CDH13: variants seen among roughly 807,000 people sequenced by gnomAD.
CDH13 encodes the protein cadherin-13.
In CDH13, 24 loss-of-function variants were observed where a neutral mutation model predicts 63.8. That is an observed-to-expected ratio of 0.38 (90% CI 0.27 to 0.53). The LOEUF (loss-of-function observed/expected upper bound fraction) is 0.53, where lower values mean the gene tolerates loss of function less well. Ranked by LOEUF, CDH13 falls within the 20% of genes least tolerant of loss-of-function variation. The pLI is 0.85. For missense variants in CDH13, 1,049 were observed against 903.1 expected, an observed-to-expected ratio of 1.16 and a Z score of -2.07; for synonymous variants, 503 against 355.3, an observed-to-expected ratio of 1.42 and a Z score of -4.67.
intron 8 of CDH13, among the ~76,000 whole-genome samples, chr16:83,645,220 A>G (rs1911678747): frequency 1.3e-5 from 2 of 152,262 alleles, no homozygotes; most frequent in Non-Finnish European, 2.9e-5. Context: ...CAGCCATAAA[A>G]AAGAATGAAA....
intron 7 of CDH13, among the ~76,000 whole-genome samples, chr16:83,540,065 A>ATTTT (rs34129168): frequency 1.5e-5 from 2 of 137,208 alleles, no homozygotes; most frequent in East Asian, 4.3e-4. Flanking sequence ...TTGTCAATAA[A>ATTTT]TTTTTTTTTT....
intron 2 of CDH13, among the ~76,000 whole-genome samples, chr16:82,993,501 C>T (rs371957167): frequency 1.3e-5 from 2 of 152,174 alleles, no homozygotes; most frequent in African/African-American, 4.8e-5. Context: ...TCCTCGCCAG[C>T]CTCTTTGCCA....
chr16:82,896,659 G>A (rs1036245936), intron 2 of CDH13, among the ~76,000 whole-genome samples: 9 of 151,852 alleles, frequency 5.9e-5, no homozygotes, highest in African/African-American at 2.2e-4. Flanking sequence ...AAATGAGGTG[G>A]GAGTTGGGAG....
chr16:82,726,199 C>G (rs1477288040), intron 1 of CDH13, among the ~76,000 whole-genome samples: 1 of 152,134 alleles, frequency 6.6e-6, no homozygotes, highest in East Asian at 1.9e-4. Context: ...GTCAAATAGA[C>G]TGGTTGACTG....
chr16:83,539,553 A>T (rs2075260930), intron 7 of CDH13, among the ~76,000 whole-genome samples: 1 of 152,198 alleles, frequency 6.6e-6, no homozygotes, highest in Non-Finnish European at 1.5e-5. Context: ...AAAGAGGGAA[A>T]ATCTGACAGG....
intron 1 of CDH13, among the ~76,000 whole-genome samples, chr16:82,630,151 T>C (rs1907832252): frequency 6.6e-6 from 1 of 152,234 alleles, no homozygotes; most frequent in Non-Finnish European, 1.5e-5. Context: ...TTGTGTGTTA[T>C]GTTTTAAGAG....
intron 7 of CDH13, among the ~76,000 whole-genome samples, chr16:83,518,218 C>T (rs532969935): frequency 6.6e-6 from 1 of 152,028 alleles, no homozygotes; most frequent in Non-Finnish European, 1.5e-5. Flanking sequence ...GATCTTGGCT[C>T]ACTGCAGCTC....
At chr16:83,353,866 C>A (rs1460984527) in intron 6 of CDH13, among the ~76,000 whole-genome samples, 2 of 152,208 alleles carry the variant, frequency 1.3e-5, no homozygotes, top group African/African-American at 4.8e-5. Context: ...CTTAATAGCC[C>A]TGCCCACTAA....
intron 5 of CDH13, among the ~76,000 whole-genome samples, chr16:83,294,361 A>G (rs1405375014): frequency 1.3e-5 from 2 of 152,070 alleles, no homozygotes; most frequent in Non-Finnish European, 2.9e-5. Flanking sequence ...GAAATGTTCT[A>G]TCTTTTGGCC....
chr16:82,923,662 C>A (rs964567535), intron 2 of CDH13, among the ~76,000 whole-genome samples: 1 of 152,170 alleles, frequency 6.6e-6, no homozygotes, highest in Non-Finnish European at 1.5e-5. Flanking sequence ...AGTAGGATAG[C>A]CATGAAAATT....
chr16:83,760,547 A>C (rs771801259), intron 11 of CDH13, among the ~76,000 whole-genome samples: 1 of 152,252 alleles, frequency 6.6e-6, no homozygotes, highest in African/African-American at 2.4e-5. Flanking sequence ...TCATGGGTGA[A>C]TCTCACAAAC....
intron 8 of CDH13, among the ~76,000 whole-genome samples, chr16:83,618,980 C>T (rs1360393396): frequency 1.3e-5 from 2 of 152,200 alleles, no homozygotes; most frequent in Non-Finnish European, 2.9e-5. Flanking sequence ...ATCAGTTTTT[C>T]CAGTGTTGGC....
intron 5 of CDH13, among the ~76,000 whole-genome samples, chr16:83,244,905 A>G (rs959284066): frequency 4.6e-5 from 7 of 152,160 alleles, no homozygotes; most frequent in Non-Finnish European, 8.8e-5. Context: ...GATAGGTTCC[A>G]AATCCCTGAC....
intron 5 of CDH13, among the ~76,000 whole-genome samples, chr16:83,227,403 G>T (rs2039873708): frequency 6.6e-6 from 1 of 152,096 alleles, no homozygotes; most frequent in African/African-American, 2.4e-5. Context: ...GCCAGCCTTG[G>T]GCCTCCCAGG....
At chr16:82,769,770 C>G (rs2035192376) in intron 1 of CDH13, among the ~76,000 whole-genome samples, 1 of 152,166 alleles carries the variant, frequency 6.6e-6, no homozygotes, top group African/African-American at 2.4e-5. Flanking sequence ...ATTGACCTGG[C>G]TTTTCTAATG....
intron 10 of CDH13, among the ~76,000 whole-genome samples, chr16:83,739,183 C>G (rs1911823558): frequency 6.6e-6 from 1 of 152,146 alleles, no homozygotes; most frequent in Admixed American, 6.5e-5. Context: ...GTGGTTTATG[C>G]TGAATATCTG....
chr16:83,068,771 G>T (rs960874409), intron 3 of CDH13, among the ~76,000 whole-genome samples: 1 of 152,150 alleles, frequency 6.6e-6, no homozygotes, highest in South Asian at 2.1e-4. Flanking sequence ...TTTTAAGTCT[G>T]CAAGTTCATG....
chr16:83,027,111 C>T (rs879491245), intron 2 of CDH13, among the ~76,000 whole-genome samples: 8 of 144,464 alleles, frequency 5.5e-5, no homozygotes, highest in Admixed American at 3.4e-4. Flanking sequence ...GACCCCCCCC[C>T]CCCACCGCCC....
At chr16:82,789,642 C>G (rs997547599) in intron 1 of CDH13, among the ~76,000 whole-genome samples, 5 of 152,174 alleles carry the variant, frequency 3.3e-5, no homozygotes, top group South Asian at 2.1e-4. Flanking sequence ...CAAGAGCAAC[C>G]TACTTTTTTG....
Sources: allele counts gnomAD v4.1 joint callset (sites outside exome capture counted in the v4.1 genomes callset), GRCh38; gene constraint gnomAD v4.1.1; transcripts MANE v1.5; gene names NCBI Gene and HGNC (gene_info 2026-07-23, HGNC 2026-07-21).